The following PDGFD variants were observed in gnomAD, a reference collection of about 807,000 sequenced individuals.
PDGFD encodes platelet derived growth factor D, also known as platelet-derived growth factor D.
A neutral mutation model predicts 44.7 loss-of-function variants in PDGFD; 30 were observed. That is an observed-to-expected ratio of 0.67 (90% CI 0.50 to 0.91). The LOEUF is 0.91. PDGFD is among the 40% of genes least tolerant of loss of function. The probability of loss-of-function intolerance (pLI) is 0.00; values close to 1 mark genes in which losing one functional copy is unlikely to be tolerated. For missense variants in PDGFD, 445 were observed against 457.8 expected (o/e 0.97, Z 0.25); for synonymous variants, 173 against 168.4 (o/e 1.03, Z -0.21).
chr11:104,002,238 A>C (rs375165139), intron 1 of PDGFD, among the ~76,000 whole-genome samples: 1 of 152,134 alleles, frequency 6.6e-6, no homozygotes, highest in Non-Finnish European at 1.5e-5. Context: ...CTTTTAGGCA[A>C]TGGGTCTTGA....
intron 6 of PDGFD, among the ~76,000 whole-genome samples, chr11:103,911,855 C>T (rs1390837449): frequency 1.3e-5 from 2 of 151,540 alleles, no homozygotes; most frequent in Non-Finnish European, 2.9e-5. Context: ...ATAGCCAAAT[C>T]GATCAAGCAG....
chr11:104,074,674 T>C (rs1311138530), intron 1 of PDGFD, among the ~76,000 whole-genome samples: 1 of 152,178 alleles, frequency 6.6e-6, no homozygotes, highest in Non-Finnish European at 1.5e-5. Flanking sequence ...AGCAACTCTA[T>C]GGATGAATCT....
intron 5 of PDGFD, among the ~76,000 whole-genome samples, chr11:103,929,813 G>A (rs1858372293): frequency 6.6e-6 from 1 of 152,182 alleles, no homozygotes; most frequent in African/African-American, 2.4e-5. Context: ...CAGTGCAGCA[G>A]AGCAGGGAGC....
intron 1 of PDGFD, among the ~76,000 whole-genome samples, chr11:104,066,261 A>G (rs1030818402): frequency 1.3e-5 from 2 of 152,320 alleles, no homozygotes. Context: ...CTGGGGCTCT[A>G]TAACAAAGAC....
intron 1 of PDGFD, among the ~76,000 whole-genome samples, chr11:104,048,158 C>T (rs554637837): frequency 3.9e-5 from 6 of 152,052 alleles, no homozygotes; most frequent in African/African-American, 1.4e-4. Flanking sequence ...TTCTTATACT[C>T]TAAAAAGCAC....
At chr11:104,048,923 T>C (rs970219518) in intron 1 of PDGFD, among the ~76,000 whole-genome samples, 1 of 152,176 alleles carries the variant, frequency 6.6e-6, no homozygotes, top group South Asian at 2.1e-4. Context: ...TCTAAGCATG[T>C]TATATATGTT....
intron 1 of PDGFD, among the ~76,000 whole-genome samples, chr11:104,082,018 G>A (rs1861051347): frequency 6.6e-6 from 1 of 151,564 alleles, no homozygotes; most frequent in Non-Finnish European, 1.5e-5. Flanking sequence ...GTAGGAGATT[G>A]AGCTCCCAAA....
intron 1 of PDGFD, chr11:104,037,311 C>G (rs778642489): frequency 1.2e-6 from 2 of 1,613,538 alleles, no homozygotes; most frequent in Non-Finnish European, 1.7e-6. Context: ...TCAAGGAACG[C>G]AACCCTCCCT....
chr11:104,055,421 A>G (rs1860604307), intron 1 of PDGFD, among the ~76,000 whole-genome samples: 1 of 152,220 alleles, frequency 6.6e-6, no homozygotes, highest in African/African-American at 2.4e-5. Context: ...CCAGGATCTG[A>G]AAATAAAACT....
chr11:103,930,551 GAA>G (rs10534085), intron 5 of PDGFD, among the ~76,000 whole-genome samples: 46,832 of 135,776 alleles, frequency 0.34, 7,673 homozygotes, highest in Non-Finnish European at 0.42. Flanking sequence ...CAAAAGTTAA[GAA>G]AAAAAAAAAA....
intron 3 of PDGFD, among the ~76,000 whole-genome samples, chr11:103,985,059 T>A (rs188542207): frequency 1.1e-4 from 10 of 87,334 alleles, no homozygotes; most frequent in East Asian, 7.4e-4. Context: ...TTAATATATA[T>A]TAATTTATTT....
intron 1 of PDGFD, among the ~76,000 whole-genome samples, chr11:104,133,457 C>A (rs893809466): frequency 6.6e-6 from 1 of 152,104 alleles, no homozygotes; most frequent in Non-Finnish European, 1.5e-5. Flanking sequence ...TTTCCAGCTT[C>A]TAAACTAAGG....
chr11:104,121,025 G>A (rs1259721792), intron 1 of PDGFD, among the ~76,000 whole-genome samples: 1 of 152,032 alleles, frequency 6.6e-6, no homozygotes, highest in Admixed American at 6.6e-5. Context: ...ATGACAGGAA[G>A]CAGTGTTTCT....
chr11:104,071,472 G>A (rs1860876637), intron 1 of PDGFD, among the ~76,000 whole-genome samples: 1 of 150,858 alleles, frequency 6.6e-6, no homozygotes. Flanking sequence ...GTTTATGCTT[G>A]TTGGCCATAT....
chr11:104,163,962 GA>G lies in PDGFD; in HGVS notation c.-36del. 6.7e-7 allele frequency: 1 copy of G among 1,499,414 alleles called. No homozygotes were observed. Among genetic ancestry groups the G allele is most frequent in the Non-Finnish European group, 9.0e-7 (1 of 1,109,504 alleles). The allele number at this position is 1,499,414 out of a possible 1,614,324, so 92.9% of individuals were successfully genotyped here. A position where few individuals can be genotyped will look rare whatever the true frequency, so the allele number is the denominator to read the frequency against. On this transcript the variant is annotated 5_prime_UTR_variant, in exon 1 of 7. Coordinates refer to ENST00000393158, the MANE Select transcript of PDGFD (RefSeq NM_025208.5). ...GCGACTAGAGACAGCGTCGCTCCAA[GA>G]AAAAGCCGGGTTCTGCTCCCGGGAC...
Position 103,954,335 on chromosome 11 carries a change from C to T in PDGFD, c.511-6611G>A, listed in dbSNP as rs1222271606. 2.0e-5 allele frequency among the ~76,000 whole-genome samples: 3 copies of T among 152,212 alleles called. No homozygotes were observed. The East Asian group carries it at 5.8e-4, about 30-fold the overall frequency. On this transcript the variant is annotated intron_variant, in intron 3 of 6. Coordinates refer to ENST00000393158, the MANE Select transcript of PDGFD (RefSeq NM_025208.5). ...ATCCCTCTCCTGTCCCTTGATACCACGTGGAGCTAGAGACTCTTGTCCTTT... is the reference window on the plus strand; with the variant it reads ...ATCCCTCTCCTGTCCCTTGATACCATGTGGAGCTAGAGACTCTTGTCCTTT...
At chr11:104,095,522 C>T (rs1385748541) in intron 1 of PDGFD, among the ~76,000 whole-genome samples, 2 of 151,990 alleles carry the variant, frequency 1.3e-5, no homozygotes, top group Non-Finnish European at 2.9e-5. Context: ...AAATTCTCCT[C>T]ATAAAATCAG....
chr11:103,968,543 C>A (rs1348648472), intron 3 of PDGFD, among the ~76,000 whole-genome samples: 1 of 152,100 alleles, frequency 6.6e-6, no homozygotes. Context: ...GTAAAATATT[C>A]CCAAATTAAT....
intron 3 of PDGFD, among the ~76,000 whole-genome samples, chr11:103,948,428 C>T (rs908759481): frequency 1.3e-5 from 2 of 152,172 alleles, no homozygotes; most frequent in African/African-American, 2.4e-5. Context: ...ATAGATCACA[C>T]AGAAAAAACT....
Sources: gnomAD v4.1 joint callset for allele counts (sites outside exome capture counted in the v4.1 genomes callset) on GRCh38, gnomAD v4.1.1 for gene constraint, MANE v1.5 for transcripts, NCBI Gene and HGNC (gene_info 2026-07-23, HGNC 2026-07-21) for gene names.